NUP98: variants seen among roughly 807,000 people sequenced by gnomAD.
NUP98 encodes nucleoporin 98 and 96 precursor.
A neutral mutation model predicts 191.9 loss-of-function variants in NUP98; 26 were observed. The observed-to-expected ratio is 0.14, with a 90% confidence interval of 0.10 to 0.19. The LOEUF (loss-of-function observed/expected upper bound fraction) is 0.19. Among genes scored for constraint, NUP98 ranks in the 10% least tolerant of loss-of-function variants. The pLI, the probability that NUP98 is intolerant of heterozygous loss-of-function variation, is 1.00. For missense variants in NUP98, 1,941 were observed against 2,178.8 expected, an observed-to-expected ratio of 0.89 and a Z score of 2.17; for synonymous variants, 808 against 778.4, an observed-to-expected ratio of 1.04 and a Z score of -0.63.
At chr11:3,701,777 C>T (rs983423359) in intron 23 of NUP98, among the ~76,000 whole-genome samples, 1 of 151,458 alleles carries the variant, frequency 6.6e-6, no homozygotes, top group Non-Finnish European at 1.5e-5. Context: ...GCTCCGCCTC[C>T]CGGGTTCACA....
In NUP98 at chr11:3,743,976, T is replaced by C. The variant is rs549296627; in HGVS notation, c.1408+533A>G. On this transcript the variant is annotated intron_variant, in intron 12 of 32. Transcript: ENST00000324932. ...CAGGAAGCTGAGGCAGAAGAATCAC[T>C]TGAACCCAGGAGGTGGAGGTTGCAG... Among the ~76,000 whole-genome samples the C allele has an allele frequency of 1.8e-3, 267 of 152,078 alleles. 1 individual carries two copies. Among genetic ancestry groups the C allele is most frequent in the African/African-American group, 5.7e-3 (237 of 41,504 alleles).
intron 12 of NUP98, among the ~76,000 whole-genome samples, chr11:3,742,885 A>G (rs1280878158): frequency 1.3e-5 from 2 of 152,184 alleles, no homozygotes; most frequent in South Asian, 2.1e-4. Flanking sequence ...CACATGTATC[A>G]TGATAGTATG....
At chr11:3,722,449 C>T (rs1186346495) in intron 16 of NUP98, among the ~76,000 whole-genome samples, 3 of 149,572 alleles carry the variant, frequency 2.0e-5, no homozygotes, top group Non-Finnish European at 2.9e-5. Context: ...CCTTATGATA[C>T]TAAGTAACCA....
At chr11:3,705,074 G>T in intron 22 of NUP98, 126 bp downstream of exon 22, 1 of 840,428 alleles carries the variant, frequency 1.2e-6, no homozygotes, top group Non-Finnish European at 1.9e-6. Flanking sequence ...GCACCCTTAT[G>T]TCACAGGTAT....
chr11:3,691,276 A>C, intron 28 of NUP98, 71 bp downstream of exon 28: 5 of 1,557,800 alleles, frequency 3.2e-6, no homozygotes, highest in Non-Finnish European at 4.4e-6. Context: ...TAAAAGGGAA[A>C]GGACGCAGCA....
chr11:3,702,305 ACACACACACTCTCTCTCTCTCT>A (rs2078712881), intron 23 of NUP98, among the ~76,000 whole-genome samples, 136 bp downstream of exon 23: 1 of 59,380 alleles, frequency 1.7e-5, no homozygotes, highest in African/African-American at 6.2e-5. Flanking sequence ...ACACACACAC[ACACACACACTCTCTCTCTCTCT>A]CTCTCTCTCT....
intron 30 of NUP98, among the ~76,000 whole-genome samples, chr11:3,680,510 T>C (rs952447511): frequency 1.3e-5 from 2 of 152,202 alleles, no homozygotes; most frequent in African/African-American, 4.8e-5. Context: ...TATTTAATGT[T>C]GATATTTTGA....
chr11:3,726,939 AT>A (rs1220356638), intron 14 of NUP98, among the ~76,000 whole-genome samples: 1 of 151,320 alleles, frequency 6.6e-6, no homozygotes, highest in Non-Finnish European at 1.5e-5. Flanking sequence ...TTAAAAAAAA[AT>A]TTTTTTTTAG....
chr11:3,736,348 C>A (rs117833762), intron 12 of NUP98, among the ~76,000 whole-genome samples: 2,730 of 152,292 alleles, frequency 0.018, 41 homozygotes, highest in Middle Eastern at 0.051. Flanking sequence ...AAACAACCTA[C>A]GTGTCCAATA....
chr11:3,780,555 AAAAAAAAGAAAAAGAAAAAGAAAAAG>A (rs2081932052), intron 2 of NUP98, among the ~76,000 whole-genome samples: 1 of 145,850 alleles, frequency 6.9e-6, no homozygotes, highest in Non-Finnish European at 1.5e-5. Flanking sequence ...AAAAAAAAAA[AAAAAAAAGAAAAAGAAAAAGAAAAAG>A]AAAAACTTCC....
rs150762999 is a variant in NUP98, at chr11:3,702,667, C to A, written c.3308G>T (p.Arg1103Leu). Residue 1103 changes from arginine (R) to leucine (L), a missense_variant, in exon 23 of 33, where the codon CGT becomes CTT. By Grantham distance (102) the Arg-to-Leu change is moderately radical. Around this residue, in one of 6 missense-constraint regions of NUP98, gnomAD observed 1,030 missense variants for 1,115.8 expected, o/e 0.92. Coordinates refer to ENST00000324932, the MANE Select transcript of NUP98 (RefSeq NM_016320.5). ...CTTGCCATAGGTGACAGACTTTTCA[C>A]GAGGGACTAGGCCTAGTTGCCTACG... ...GTRRQLGLVP[R>L]EKSVTYGKGK... 16 of 1,614,004 alleles carry A rather than the reference C, an allele frequency of 9.9e-6. No homozygotes were observed. The African/African-American group carries it at 2.1e-4, about 22-fold the overall frequency.
Position 3,700,678 on chromosome 11 carries a change from C to T in NUP98, c.3674G>A (p.Gly1225Glu), listed in dbSNP as rs2078651004. ...ELCPLIVPNL[G>E]VAVIHDYADW... is the part of the protein sequence containing the mutation. ...TGCATAGTCATGAATGACAGCAACT[C>T]CCAGATTGGGGACAATGAGAGGACA... Residue 1225 changes from glycine (G) to glutamate (E), a missense_variant, in exon 24 of 33, where the codon GGA (glycine) becomes GAA (glutamate). Coordinates refer to ENST00000324932, the MANE Select transcript of NUP98 (RefSeq NM_016320.5). 1 of 1,614,070 alleles carries T rather than the reference C, an allele frequency of 6.2e-7. No individual in the cohort carries two copies. The highest frequency in any genetic ancestry group is 1.7e-5 in the Admixed American group (1 of 59,994).
chr11:3,717,378 T>C (rs1389941435), intron 18 of NUP98, among the ~76,000 whole-genome samples: 3 of 152,206 alleles, frequency 2.0e-5, no homozygotes, highest in African/African-American at 4.8e-5. Context: ...TTCAACCATG[T>C]TTTGCAGTTT....
intron 9 of NUP98, among the ~76,000 whole-genome samples, chr11:3,762,257 C>T (rs1305668396): frequency 6.6e-6 from 1 of 151,440 alleles, no homozygotes; most frequent in African/African-American, 2.4e-5. Context: ...TTACAGGCAC[C>T]CACCACCACA....
chr11:3,683,285 A>G lies in NUP98; in HGVS notation c.4833T>C (p.Ser1611=), dbSNP rs1170769525. The change falls in exon 30 of 33, where the codon TCT becomes TCC. Residue 1611 remains serine (S), a synonymous_variant. Coordinates refer to ENST00000324932, the MANE Select transcript of NUP98 (RefSeq NM_016320.5). ...EAKAVRAHME[S]DKHLEALCLF... is the part of the protein sequence containing the mutation. Reference sequence around the variant, plus strand: ...AGCAAAGGGCCTCTAAGTGCTTGTCAGATTCCATGTGTGCTCGCACAGCTT... The same window carrying G: ...AGCAAAGGGCCTCTAAGTGCTTGTCGGATTCCATGTGTGCTCGCACAGCTT... The G allele has an allele frequency of 6.2e-7, 1 of 1,614,190 alleles. No individual in the cohort carries two copies. Among genetic ancestry groups the G allele is most frequent in the South Asian group, 1.1e-5 (1 of 91,086 alleles).
At chr11:3,676,859 C>G (rs571871709) in intron 31 of NUP98, 2 of 606,874 alleles carry the variant, frequency 3.3e-6, no homozygotes, top group East Asian at 5.9e-5. Context: ...TCTTGAGATC[C>G]CGAACTATAC....
chr11:3,732,422 A>G (rs188375906), intron 13 of NUP98, among the ~76,000 whole-genome samples: 27 of 152,322 alleles, frequency 1.8e-4, no homozygotes, highest in African/African-American at 5.8e-4. Flanking sequence ...TACCAAAAAA[A>G]TCCTAAGCCA....
chr11:3,784,129 T>C (rs2082063609), intron 1 of NUP98, among the ~76,000 whole-genome samples: 2 of 152,204 alleles, frequency 1.3e-5, no homozygotes, highest in African/African-American at 2.4e-5. Context: ...AGAGTAGTCT[T>C]TTCTTCTAGG....
rs985051101 is a variant in NUP98 at position 3,753,265 on chromosome 11, T to C, written c.1267+51A>G. On this transcript the variant is annotated intron_variant, in intron 11 of 32. Coordinates refer to ENST00000324932, the MANE Select transcript of NUP98 (RefSeq NM_016320.5). Reference sequence around the variant, plus strand: ...AACAGATCTCTCAAGTTCCAGAAACTAGAAAGTCAAGCTGTGTCACTTCCT... The same window carrying C: ...AACAGATCTCTCAAGTTCCAGAAACCAGAAAGTCAAGCTGTGTCACTTCCT... 3 of 1,425,904 alleles carry C rather than the reference T, an allele frequency of 2.1e-6. No individual in the cohort carries two copies. In the Admixed American group the frequency reaches 5.1e-5, roughly 24 times the overall value. The allele number at this position is 1,425,904 out of a possible 1,614,324, so 88.3% of individuals were successfully genotyped here. A position where few individuals can be genotyped will look rare whatever the true frequency, so the allele number is the denominator to read the frequency against.
Sources: allele counts gnomAD v4.1 joint callset (sites outside exome capture counted in the v4.1 genomes callset), GRCh38; gene constraint gnomAD v4.1.1; regional missense constraint gnomAD v4.1.1; transcripts MANE v1.5; gene names NCBI Gene and HGNC (gene_info 2026-07-23, HGNC 2026-07-21).